Variants in TTN observed in about 807,000 individuals in gnomAD.
TTN encodes connectin.
TTN carries 1,525 observed loss-of-function variants against 3,223.0 expected under a neutral mutation model. That is an observed-to-expected ratio of 0.47 (90% CI 0.45 to 0.49). The LOEUF is 0.49. Ranked by LOEUF, TTN falls within the 20% of genes least tolerant of loss-of-function variation. TTN has a pLI of 0.00. For missense variants in TTN, 40,786 were observed against 43,424.0 expected (o/e 0.94, Z 5.40); for synonymous variants, 14,094 against 15,161.0 (o/e 0.93, Z 5.17).
At chr2:178,660,822 A>G (rs1399398563) in intron 180 of TTN, among the ~76,000 whole-genome samples, 1 of 150,192 alleles carries the variant, frequency 6.7e-6, no homozygotes, top group African/African-American at 2.4e-5. Context: ...GAACTCAAAC[A>G]AACGTGTAAG....
intron 155 of TTN, 151 bp downstream of exon 155, chr2:178,671,820 A>G: frequency 1.4e-6 from 1 of 738,554 alleles, no homozygotes. Flanking sequence ...CGTGTGGTTA[A>G]GAGATATTAA....
At chr2:178,591,939 A>C in intron 302 of TTN, 39 bp downstream of exon 302, 1 of 1,606,880 alleles carries the variant, frequency 6.2e-7, no homozygotes, top group South Asian at 1.1e-5. Context: ...TCTTAAAGAC[A>C]GTCAAACAAT....
chr2:178,594,048 C>A lies in TTN; in HGVS notation c.58345G>T (p.Ala19449Ser), dbSNP rs753417375. 9 of 1,613,396 alleles carry A rather than the reference C, an allele frequency of 5.6e-6. No individual in the cohort carries two copies. The highest frequency in any genetic ancestry group is 1.7e-5 in the Admixed American group (1 of 59,950). The change falls in exon 297 of 363, where the codon GCC becomes TCC. Residue 19449 changes from alanine to serine, a missense_variant. Transcript: ENST00000589042. The part of the protein sequence containing the change: ...PATLALEKIK[A>S]KRSDSGKYCV... ...TATTTGCCGGAATCTGAACGTTTGGCCTTGATCTTCTCTAAAGCAAGTGTT... is the reference window on the plus strand; with the variant it reads ...TATTTGCCGGAATCTGAACGTTTGGACTTGATCTTCTCTAAAGCAAGTGTT...
At position 178,723,032 on chromosome 2, in the gene TTN, A is replaced by C; in HGVS notation, c.21961+14T>G. On this transcript the variant is annotated intron_variant, in intron 75 of 362. Transcript: ENST00000589042. ...AAGAATGCAAATGATTTAAGAGACA[A>C]TAAGACAACACACCTAATGTAGATA... The C allele has an allele frequency of 6.2e-7, 1 of 1,611,044 alleles. No homozygotes were observed. The highest frequency in any genetic ancestry group is 2.2e-5 in the East Asian group (1 of 44,840).
At position 178,683,928 on chromosome 2, in the gene TTN, AT is replaced by A. The variant is rs2070116643; in HGVS notation, c.32806+70del. 2.6e-6 allele frequency: 3 copies of A among 1,155,572 alleles called. No homozygotes were observed. In the South Asian group the frequency reaches 5.4e-5, roughly 21 times the overall value. The allele number at this position is 1,155,572 out of a possible 1,614,324, so 71.6% of individuals were successfully genotyped here. A position where few individuals can be genotyped will look rare whatever the true frequency, so the allele number is the denominator to read the frequency against. On this transcript the variant is annotated intron_variant, in intron 133 of 362. Transcript: ENST00000589042. Reference sequence around the variant, plus strand: ...TGTCTTTTTTTTTCTAATGGAACCTATTCCACTAGATTAGTTTTAGTGTCTG... The same window carrying A: ...TGTCTTTTTTTTTCTAATGGAACCTATCCACTAGATTAGTTTTAGTGTCTG...
At chr2:178,805,533 C>T (rs60137285) in intron 1 of TTN, among the ~76,000 whole-genome samples, 7,685 of 152,132 alleles carry the variant, frequency 0.051, 408 homozygotes, top group African/African-American at 0.13. Flanking sequence ...ACTTTGTAAT[C>T]TCTTTCCTGA....
At chr2:178,605,862 G>T (rs2054653110) in intron 278 of TTN, 149 bp from the exon 279 acceptor site, 1 of 680,270 alleles carries the variant, frequency 1.5e-6, no homozygotes, top group Non-Finnish European at 2.1e-6. Context: ...AAACTTGTCA[G>T]TTGCCAAAAT....
Position 178,733,863 on chromosome 2 carries a change from C to A in TTN, c.15526G>T (p.Asp5176Tyr), listed in dbSNP as rs1421517847. Residue 5176 changes from aspartate (D) to tyrosine (Y), a missense_variant, in exon 53 of 363, where the codon GAT becomes TAT. By Grantham distance (160) the Asp-to-Tyr change is radical. Coordinates refer to ENST00000589042, the MANE Select transcript of TTN (RefSeq NM_001267550.2). ...EPPTFVKKVD[D>Y]LIALGGQTVT... Reference sequence around the variant, plus strand: ...GTTTGTCCTCCTAGTGCAATCAAATCATCTACTTTCTTTACAAAGGTTGGA... The same window carrying A: ...GTTTGTCCTCCTAGTGCAATCAAATAATCTACTTTCTTTACAAAGGTTGGA... 5 of 1,601,866 alleles carry A rather than the reference C, an allele frequency of 3.1e-6. No homozygotes were observed. The Admixed American group carries it at 6.8e-5, about 22-fold the overall frequency.
intron 47 of TTN, chr2:178,750,054 G>C: frequency 6.2e-7 from 1 of 1,613,204 alleles, no homozygotes; most frequent in Non-Finnish European, 8.5e-7. Context: ...TCTTTATCCT[G>C]TTCTGGGATA....
Position 178,673,718 on chromosome 2 carries a change from G to A in TTN, c.34709-8C>T. On this transcript the variant is annotated splice_region_variant and splice_polypyrimidine_tract_variant and intron_variant, in intron 151 of 362. Transcript: ENST00000589042. ...TCTTAATCACTTCAGGCACTTAAAA[G>A]AAATTTTATGAACATTTTGAAAAGT... 1 of 1,584,758 alleles carries A rather than the reference G, an allele frequency of 6.3e-7. No individual in the cohort carries two copies. The highest frequency in any genetic ancestry group is 8.6e-7 in the Non-Finnish European group (1 of 1,169,222).
rs768923506 is a variant in TTN, at chr2:178,705,186, C to G, written c.29592G>C (p.Glu9864Asp). 1.2e-6 allele frequency: 2 copies of G among 1,613,224 alleles called. No homozygotes were observed. The highest frequency in any genetic ancestry group is 1.7e-6 in the Non-Finnish European group (2 of 1,179,616). Residue 9864 changes from glutamate to aspartate, a missense_variant, in exon 103 of 363, where the codon GAG becomes GAC. Coordinates refer to ENST00000589042, the MANE Select transcript of TTN (RefSeq NM_001267550.2). Reference protein sequence around the residue: ...FELLKQSQEEETHRLEIEEIE... With the variant: ...FELLKQSQEEDTHRLEIEEIE... ...TGAAGGAGCATACCAGTCTATGTGT[C>G]TCTTCTTCTTGGCTTTGCTTGAGCA...
intron 3 of TTN, among the ~76,000 whole-genome samples, chr2:178,801,402 G>A (rs1259779449): frequency 6.6e-6 from 1 of 152,190 alleles, no homozygotes; most frequent in Non-Finnish European, 1.5e-5. Context: ...TTTTCTGGGT[G>A]CATGCTAAAG....
In TTN at chr2:178,731,204, CT is replaced by C; in HGVS notation, c.17462-2del. On this transcript the variant is annotated splice_acceptor_variant, in intron 59 of 362. Transcript: ENST00000589042. LOFTEE classifies it high-confidence loss of function. ...GCTTCCTCGGTGATTGTTGCAGGTT[CT>C]GTAGAAAACAAAGGGATAGATGTGG... 1 of 1,612,400 alleles carries C rather than the reference CT, an allele frequency of 6.2e-7. No homozygotes were observed. Among genetic ancestry groups the C allele is most frequent in the Non-Finnish European group, 8.5e-7 (1 of 1,178,916 alleles).
In TTN at chr2:178,604,525, T is replaced by C. The variant is rs72646816; in HGVS notation, c.54381+183A>G. On this transcript the variant is annotated intron_variant, in intron 281 of 362. Transcript: ENST00000589042. Reference sequence around the variant, plus strand: ...TGGATCTCAATTAAAAGAGTATCTGTGTATCAAACGCTATGTACTAAGGAG... The same window carrying C: ...TGGATCTCAATTAAAAGAGTATCTGCGTATCAAACGCTATGTACTAAGGAG... 4.7e-3 allele frequency among the ~76,000 whole-genome samples: 715 copies of C among 152,100 alleles called. 3 individuals carry two copies. The highest frequency in any genetic ancestry group is 7.4e-3 in the Non-Finnish European group (502 of 67,944).
At chr2:178,585,704 G>C (rs895262570) in intron 308 of TTN, among the ~76,000 whole-genome samples, 4 of 151,962 alleles carry the variant, frequency 2.6e-5, no homozygotes, top group Admixed American at 2.6e-4. Flanking sequence ...TTGGTTTTCT[G>C]TTCTTGTGTT....
chr2:178,532,239 G>C lies in TTN; in HGVS notation c.104376C>G (p.Phe34792Leu). 6.2e-7 allele frequency: 1 copy of C among 1,613,600 alleles called. No individual in the cohort carries two copies. Among genetic ancestry groups the C allele is most frequent in the Admixed American group, 1.7e-5 (1 of 60,012 alleles). The stretch of plus-strand genomic sequence containing the variant: ...TTCTAGACTTTTCCTCCTTTGACAT[G>C]AAGTCAAGTTCGCTTTTGTATTCTG... ...HLSEYKSELD[F>L]MSKEEKSRKK... Residue 34792 changes from phenylalanine to leucine, a missense_variant, in exon 358 of 363, where the codon TTC (phenylalanine) becomes TTG (leucine). By Grantham distance (22) the Phe-to-Leu change is conservative. Coordinates refer to ENST00000589042, the MANE Select transcript of TTN (RefSeq NM_001267550.2).
chr2:178,550,528 A>C (rs551247541), intron 336 of TTN: 1 of 475,718 alleles, frequency 2.1e-6, no homozygotes, highest in Admixed American at 3.8e-5. Context: ...AGGAAAGTGA[A>C]ACATTTACAG....
chr2:178,741,464 T>C lies in TTN; in HGVS notation c.11769A>G (p.Ser3923=). Residue 3923 remains serine, a synonymous_variant, in exon 48 of 363, where the codon TCA becomes TCG. Transcript: ENST00000589042. ...GEGHKDTETE[S]AVAKSLEKLG... ...GCTTTTCCAGAGATTTTGCCACTGC[T>C]GATTCTGTTTCAGTGTCTTTGTGAC... 1 of 1,613,900 alleles carries C rather than the reference T, an allele frequency of 6.2e-7. No individual in the cohort carries two copies.
Position 178,587,136 on chromosome 2 carries a change from G to C in TTN, c.64075C>G (p.Leu21359Val). ...GVPTDVPKPV[L>V]ASDPLSEPDP... ...TACTTACTTAGAGGATCTGATGCAA[G>C]CACTGGTTTTGGGACATCTGTTGGG... Residue 21359 changes from leucine (L) to valine (V), a missense_variant, in exon 307 of 363, where the codon CTT becomes GTT. By Grantham distance (32) the Leu-to-Val change is conservative. Transcript: ENST00000589042. The C allele has an allele frequency of 6.2e-7, 1 of 1,613,244 alleles. No individual in the cohort carries two copies. Among genetic ancestry groups the C allele is most frequent in the Non-Finnish European group, 8.5e-7 (1 of 1,179,382 alleles).
Sources: allele counts gnomAD v4.1 joint callset (sites outside exome capture counted in the v4.1 genomes callset), GRCh38; gene constraint gnomAD v4.1.1; transcripts MANE v1.5; gene names NCBI Gene and HGNC (gene_info 2026-07-23, HGNC 2026-07-21).